CADM2: variants seen among roughly 807,000 people sequenced by gnomAD.
CADM2 encodes the protein cell adhesion molecule 2.
In CADM2, 12 loss-of-function variants were observed where a neutral mutation model predicts 49.8. The ratio of observed to expected loss-of-function variants is 0.24; its 90% CI spans 0.15 to 0.39. The LOEUF is 0.39. Ranked by LOEUF, CADM2 falls within the 10% of genes least tolerant of loss-of-function variation. The pLI, the probability that CADM2 is intolerant of heterozygous loss-of-function variation, is 1.00. For synonymous variants in CADM2, 214 were observed against 175.4 expected (o/e 1.22, Z -1.74); for missense variants, 378 against 492.3 (o/e 0.77, Z 2.20).
intron 1 of CADM2, among the ~76,000 whole-genome samples, chr3:85,089,614 A>G (rs1022591710): frequency 6.6e-6 from 1 of 152,190 alleles, no homozygotes; most frequent in Non-Finnish European, 1.5e-5. Context: ...TTATTAGAAA[A>G]TAATATTTCA....
At chr3:84,982,733 A>ATATATATATG (rs1280664881) in intron 1 of CADM2, among the ~76,000 whole-genome samples, 2 of 116,650 alleles carry the variant, frequency 1.7e-5, no homozygotes, top group African/African-American at 6.3e-5. Flanking sequence ...ATATATATAT[A>ATATATATATG]TACATTTTTT....
At chr3:85,841,791 A>G (rs1326993469) in intron 3 of CADM2, among the ~76,000 whole-genome samples, 2 of 152,152 alleles carry the variant, frequency 1.3e-5, no homozygotes, top group South Asian at 2.1e-4. Context: ...TCTTTGTTTA[A>G]TATTTAATAT....
chr3:85,545,423 T>G (rs2107076992), intron 1 of CADM2, among the ~76,000 whole-genome samples: 1 of 152,332 alleles, frequency 6.6e-6, no homozygotes, highest in East Asian at 1.9e-4. Flanking sequence ...AAATTTTAGC[T>G]TAAAAACTTT....
At chr3:85,549,612 T>C (rs758380246) in intron 1 of CADM2, among the ~76,000 whole-genome samples, 25 of 152,132 alleles carry the variant, frequency 1.6e-4, no homozygotes, top group Non-Finnish European at 3.1e-4. Flanking sequence ...GTTATTAATA[T>C]ATTTAAAGGT....
intron 8 of CADM2, among the ~76,000 whole-genome samples, chr3:86,034,504 C>A (rs7650850): frequency 0.032 from 4,861 of 152,104 alleles, 148 homozygotes; most frequent in African/African-American, 0.076. Context: ...TGTTCTTGGA[C>A]TTTGCAGCTC....
chr3:85,083,161 A>G (rs1392993256), intron 1 of CADM2, among the ~76,000 whole-genome samples: 2 of 152,122 alleles, frequency 1.3e-5, no homozygotes, highest in Non-Finnish European at 1.5e-5. Flanking sequence ...CACATCATAC[A>G]TATATCATGT....
At chr3:85,426,043 G>A (rs745854883) in intron 1 of CADM2, among the ~76,000 whole-genome samples, 4 of 152,236 alleles carry the variant, frequency 2.6e-5, no homozygotes, top group African/African-American at 4.8e-5. Context: ...TATGCAAGCC[G>A]TGCCTCAGTT....
intron 1 of CADM2, among the ~76,000 whole-genome samples, chr3:85,381,560 G>A (rs1477468969): frequency 2.1e-5 from 3 of 144,612 alleles, no homozygotes; most frequent in African/African-American, 2.5e-5. Flanking sequence ...TAAGACTGTA[G>A]TAACAGGTTC....
At position 85,912,562 on chromosome 3, in the gene CADM2, C is replaced by A. The variant is rs879162445; in HGVS notation, c.700+19C>A. ...ATACACTGTAAGTAAACACTACTTC[C>A]CCCTCCTTTATCTCAGCAGCAAATC... is the stretch of plus-strand genomic sequence containing the variant. On this transcript the variant is annotated intron_variant, in intron 6 of 9. Coordinates refer to ENST00000383699, the MANE Select transcript of CADM2 (RefSeq NM_001167675.2). 1 of 1,601,414 alleles carries A rather than the reference C, an allele frequency of 6.2e-7. No individual in the cohort carries two copies. Among genetic ancestry groups the A allele is most frequent in the South Asian group, 1.1e-5 (1 of 89,674 alleles).
Position 85,095,847 on chromosome 3 carries a change from G to A in CADM2, c.61+136179G>A, listed in dbSNP as rs115607739. The stretch of plus-strand genomic sequence containing the variant: ...AGCCCTGGTCTGACAGGCAAGTGGC[G>A]GACATTAACTCACAGGCCCAATTAT... On this transcript the variant is annotated intron_variant, in intron 1 of 9. Transcript: ENST00000383699. Among the ~76,000 whole-genome samples the A allele has an allele frequency of 2.0e-3, 308 of 152,102 alleles. 2 individuals carry two copies. The highest frequency in any genetic ancestry group is 7.0e-3 in the African/African-American group (290 of 41,520).
chr3:85,937,530 C>T (rs1472737456), intron 7 of CADM2, among the ~76,000 whole-genome samples: 3 of 151,880 alleles, frequency 2.0e-5, no homozygotes, highest in Admixed American at 6.6e-5. Flanking sequence ...TTGCCCAAAG[C>T]CTTAACTCTT....
chr3:85,853,119 T>TGCCAGC (rs1237467319), intron 3 of CADM2, among the ~76,000 whole-genome samples: 2 of 151,472 alleles, frequency 1.3e-5, no homozygotes, highest in African/African-American at 4.9e-5. Flanking sequence ...ATTCTTTCCC[T>TGCCAGC]GCCAGCATTG....
intron 1 of CADM2, among the ~76,000 whole-genome samples, chr3:85,052,557 G>T (rs541908319): frequency 2.0e-5 from 3 of 151,934 alleles, no homozygotes; most frequent in Non-Finnish European, 4.4e-5. Flanking sequence ...TCACCTAACA[G>T]AAGTACTAAT....
At chr3:85,648,384 A>G (rs2064952012) in intron 1 of CADM2, among the ~76,000 whole-genome samples, 1 of 151,842 alleles carries the variant, frequency 6.6e-6, no homozygotes. Flanking sequence ...TTACGTAGCA[A>G]TTTTAATTTG....
intron 1 of CADM2, among the ~76,000 whole-genome samples, chr3:85,481,934 A>T (rs2039230569): frequency 6.6e-6 from 1 of 151,702 alleles, no homozygotes; most frequent in African/African-American, 2.4e-5. Flanking sequence ...CCAGAAAGAA[A>T]TGAAAATACA....
At chr3:85,853,250 T>C (rs2075174432) in intron 3 of CADM2, among the ~76,000 whole-genome samples, 1 of 151,608 alleles carries the variant, frequency 6.6e-6, no homozygotes, top group African/African-American at 2.4e-5. Context: ...ATAACCATTG[T>C]ATATATATTA....
chr3:85,395,424 A>G (rs553622448), intron 1 of CADM2, among the ~76,000 whole-genome samples: 1 of 152,238 alleles, frequency 6.6e-6, no homozygotes, highest in Admixed American at 6.5e-5. Flanking sequence ...TTTAAAATCA[A>G]TTGAATTTAA....
At chr3:85,049,979 G>C (rs1245101740) in intron 1 of CADM2, among the ~76,000 whole-genome samples, 1 of 151,954 alleles carries the variant, frequency 6.6e-6, no homozygotes, top group Non-Finnish European at 1.5e-5. Context: ...ACTCCTTCTT[G>C]ACTCCACCTT....
At chr3:85,999,525 A>G (rs1559792088) in intron 8 of CADM2, among the ~76,000 whole-genome samples, 1 of 147,366 alleles carries the variant, frequency 6.8e-6, no homozygotes, top group African/African-American at 2.5e-5. Flanking sequence ...AGAAAAAGAA[A>G]GAAGGAAGGA....
Sources: gnomAD v4.1 joint callset for allele counts (sites outside exome capture counted in the v4.1 genomes callset) on GRCh38, gnomAD v4.1.1 for gene constraint, MANE v1.5 for transcripts, NCBI Gene and HGNC (gene_info 2026-07-23, HGNC 2026-07-21) for gene names.